Variants in CLASP2 observed in about 807,000 individuals in gnomAD.
CLASP2 encodes the protein cytoplasmic linker associated protein 2, also known as CLIP-associating protein 2.
Under a neutral mutation model 194.4 loss-of-function variants are expected in CLASP2, and 47 were observed. That is an observed-to-expected ratio of 0.24 (90% CI 0.19 to 0.31). The LOEUF is 0.31. Among genes scored for constraint, CLASP2 ranks in the 10% least tolerant of loss-of-function variants. The probability of loss-of-function intolerance (pLI) is 1.00; values close to 1 mark genes in which losing one functional copy is unlikely to be tolerated. For missense variants in CLASP2, 1,445 were observed against 1,823.6 expected, an observed-to-expected ratio of 0.79 and a Z score of 3.78; for synonymous variants, 619 against 633.5, an observed-to-expected ratio of 0.98 and a Z score of 0.34.
chr3:33,529,051 C>A (rs1019274601), intron 34 of CLASP2, among the ~76,000 whole-genome samples: 2 of 152,066 alleles, frequency 1.3e-5, no homozygotes, highest in African/African-American at 4.8e-5. Flanking sequence ...AGAGTCAAAT[C>A]AGAAAGGCAA....
At chr3:33,678,785 A>G (rs1289190880) in intron 6 of CLASP2, among the ~76,000 whole-genome samples, 1 of 152,206 alleles carries the variant, frequency 6.6e-6, no homozygotes, top group African/African-American at 2.4e-5. Flanking sequence ...AAATAAATTG[A>G]GACATATTCC....
chr3:33,545,798 T>C (rs2059067776), intron 30 of CLASP2, among the ~76,000 whole-genome samples: 1 of 151,716 alleles, frequency 6.6e-6, no homozygotes, highest in Admixed American at 6.6e-5. Flanking sequence ...TAATCCCAGC[T>C]ACCTGGGAGG....
intron 28 of CLASP2, 151 bp downstream of exon 28, chr3:33,560,657 A>G: frequency 3.1e-6 from 2 of 645,844 alleles, no homozygotes; most frequent in East Asian, 2.6e-5. Context: ...CTTTAAATAT[A>G]CAATATGAAT....
At position 33,597,145 on chromosome 3, in the gene CLASP2, C is replaced by T. The variant is rs561660838; in HGVS notation, c.1925-411G>A. ...CACACTTAGGCCCTCTCATCATTAG[C>T]CTCTGTTTACCACCTCGTTGCTTCC... On this transcript the variant is annotated intron_variant, in intron 18 of 38. Transcript: ENST00000682230. Among the ~76,000 whole-genome samples the T allele has an allele frequency of 2.0e-5, 3 of 152,232 alleles. No homozygotes were observed. The East Asian group carries it at 5.8e-4, about 29-fold the overall frequency.
intron 10 of CLASP2, 114 bp downstream of exon 10, chr3:33,626,874 C>A: frequency 1.6e-6 from 1 of 618,190 alleles, no homozygotes; most frequent in Non-Finnish European, 2.8e-6. Context: ...TGTTACCTAT[C>A]AGACTCTCTA....
chr3:33,632,647 G>T (rs886864108), intron 8 of CLASP2, among the ~76,000 whole-genome samples: 1 of 152,052 alleles, frequency 6.6e-6, no homozygotes, highest in Admixed American at 6.6e-5. Context: ...CAATGCACTA[G>T]CAAACACAAA....
At chr3:33,586,918 G>A (rs887351912) in intron 21 of CLASP2, among the ~76,000 whole-genome samples, 5 of 151,918 alleles carry the variant, frequency 3.3e-5, no homozygotes, top group East Asian at 2.0e-4. Context: ...CTGATCAAGA[G>A]GGGGGGTGCC....
At chr3:33,638,075 A>T (rs995876030) in intron 8 of CLASP2, among the ~76,000 whole-genome samples, 1 of 152,228 alleles carries the variant, frequency 6.6e-6, no homozygotes, top group Admixed American at 6.5e-5. Context: ...TCTGTGAAAA[A>T]AAGCAACTTG....
intron 1 of CLASP2, 80 bp from the exon 2 acceptor site, chr3:33,697,013 A>G (rs545122475): frequency 1.3e-6 from 1 of 789,488 alleles, no homozygotes; most frequent in Admixed American, 2.7e-5. Flanking sequence ...TGACATATAA[A>G]AGATCTTCAT....
At chr3:33,521,141 T>C (rs913621849) in intron 34 of CLASP2, among the ~76,000 whole-genome samples, 6 of 152,070 alleles carry the variant, frequency 3.9e-5, no homozygotes, top group African/African-American at 1.4e-4. Flanking sequence ...AAATAAATAA[T>C]GATTGTTATA....
chr3:33,654,490 A>G (rs188101028), intron 7 of CLASP2, among the ~76,000 whole-genome samples: 13 of 152,260 alleles, frequency 8.5e-5, no homozygotes, highest in Non-Finnish European at 1.0e-4. Context: ...CATAAAAGAC[A>G]GAGGATCAAC....
At chr3:33,696,615 G>T (rs139082382) in intron 2 of CLASP2, among the ~76,000 whole-genome samples, 1 of 151,654 alleles carries the variant, frequency 6.6e-6, no homozygotes, top group East Asian at 1.9e-4. Context: ...ACAGGCACAC[G>T]CCATCACACC....
At chr3:33,508,301 G>A (rs2048844420) in intron 37 of CLASP2, among the ~76,000 whole-genome samples, 2 of 151,930 alleles carry the variant, frequency 1.3e-5, no homozygotes, top group Non-Finnish European at 2.9e-5. Context: ...TTACAGGTGT[G>A]AGCTACCACA....
rs565517398 is a variant in CLASP2, at chr3:33,694,423, T to C, written c.274+2432A>G. Among the ~76,000 whole-genome samples the C allele has an allele frequency of 2.6e-5, 4 of 152,304 alleles. No homozygotes were observed. The East Asian group carries it at 5.8e-4, about 22-fold the overall frequency. ...GTGAGATACATAATACCTAGAACTA[T>C]TCTTAAGTCTAAATTTTCTCTGTAG... On this transcript the variant is annotated intron_variant, in intron 2 of 38. Transcript: ENST00000682230.
Position 33,501,588 on chromosome 3 carries a change from A to G in CLASP2, c.4434+64T>C, listed in dbSNP as rs2046863726. On this transcript the variant is annotated intron_variant, in intron 38 of 38. Transcript: ENST00000682230. Reference sequence around the variant, plus strand: ...AAATAAAAAGCTTACTGTTACAGACATGTAACTAAGTTTTGAAAGATGTAC... The same window carrying G: ...AAATAAAAAGCTTACTGTTACAGACGTGTAACTAAGTTTTGAAAGATGTAC... 5 of 980,100 alleles carry G rather than the reference A, an allele frequency of 5.1e-6. No individual in the cohort carries two copies. In the Admixed American group the frequency reaches 8.7e-5, roughly 17 times the overall value. The allele number at this position is 980,100 out of a possible 1,614,324, so 60.7% of individuals were successfully genotyped here.
chr3:33,677,722 T>TA (rs1019729531), intron 6 of CLASP2, among the ~76,000 whole-genome samples: 14 of 138,086 alleles, frequency 1.0e-4, no homozygotes, highest in African/African-American at 2.4e-4. Flanking sequence ...AAATAAAAAA[T>TA]AAAAAAAAAT....
chr3:33,711,424 C>CTT (rs780380755), intron 1 of CLASP2, among the ~76,000 whole-genome samples: 2 of 136,130 alleles, frequency 1.5e-5, no homozygotes, highest in Non-Finnish European at 3.2e-5. Flanking sequence ...TTTTTTATTT[C>CTT]TTTTTTTTTT....
chr3:33,544,872 A>C, intron 30 of CLASP2, 31 bp from the exon 31 acceptor site: 1 of 1,536,684 alleles, frequency 6.5e-7, no homozygotes. Context: ...GTAGATGAAT[A>C]TATTTTTGTT....
intron 32 of CLASP2, 149 bp downstream of exon 32, chr3:33,543,284 A>G (rs1298156537): frequency 3.5e-6 from 2 of 569,190 alleles, no homozygotes; most frequent in Non-Finnish European, 6.3e-6. Flanking sequence ...GAGGCAGGAG[A>G]ACTGCTTGAA....
Sources: gnomAD v4.1 joint callset for allele counts (sites outside exome capture counted in the v4.1 genomes callset) on GRCh38, gnomAD v4.1.1 for gene constraint, MANE v1.5 for transcripts, NCBI Gene and HGNC (gene_info 2026-07-23, HGNC 2026-07-21) for gene names.